The following CERS5 variants were observed in gnomAD, a reference collection of about 807,000 sequenced individuals.
CERS5 encodes the protein LAG1 homolog, ceramide synthase 5.
A neutral mutation model predicts 58.9 loss-of-function variants in CERS5; 37 were observed. The ratio of observed to expected loss-of-function variants is 0.63; its 90% confidence interval spans 0.48 to 0.83. The LOEUF (loss-of-function observed/expected upper bound fraction) is 0.83. Among genes scored for constraint, CERS5 ranks in the 40% least tolerant of loss-of-function variants. The pLI is 0.00. For missense variants in CERS5, 398 were observed against 489.3 expected (o/e 0.81, Z 1.76); for synonymous variants, 147 against 177.8 (o/e 0.83, Z 1.38).
intron 1 of CERS5, among the ~76,000 whole-genome samples, chr12:50,148,877 T>C (rs1366692791): frequency 1.5e-5 from 2 of 131,508 alleles, no homozygotes; most frequent in Non-Finnish European, 3.1e-5. Flanking sequence ...TGCACTCCAG[T>C]TGGGGTGACG....
At chr12:50,160,240 G>A (rs1939122136) in intron 1 of CERS5, among the ~76,000 whole-genome samples, 2 of 151,112 alleles carry the variant, frequency 1.3e-5, no homozygotes, top group African/African-American at 4.9e-5. Context: ...AGGAGGCGGA[G>A]GTTGCAGTAA....
chr12:50,166,079 T>C (rs1939845837), intron 1 of CERS5: 1 of 350,486 alleles, frequency 2.9e-6, no homozygotes, highest in East Asian at 1.0e-4. Context: ...TCCCAGCACT[T>C]TGGGAGGCAG....
At chr12:50,152,317 T>C (rs1938057366) in intron 1 of CERS5, among the ~76,000 whole-genome samples, 1 of 152,270 alleles carries the variant, frequency 6.6e-6, no homozygotes, top group African/African-American at 2.4e-5. Context: ...CAAACCATAC[T>C]AGTAGTTACT....
At chr12:50,163,611 G>C (rs780544579) in intron 1 of CERS5, among the ~76,000 whole-genome samples, 2 of 152,120 alleles carry the variant, frequency 1.3e-5, no homozygotes, top group African/African-American at 4.8e-5. Flanking sequence ...CAGCAGGATC[G>C]CTTGAGGCCA....
chr12:50,131,427 C>T (rs1039785445), intron 9 of CERS5, among the ~76,000 whole-genome samples: 9 of 151,768 alleles, frequency 5.9e-5, no homozygotes, highest in Admixed American at 6.6e-5. Flanking sequence ...GGTGTGGTGG[C>T]GCGCACCTGT....
chr12:50,156,287 C>T (rs1427878061), intron 1 of CERS5, among the ~76,000 whole-genome samples: 1 of 148,726 alleles, frequency 6.7e-6, no homozygotes, highest in East Asian at 2.0e-4. Context: ...GCCTGTAGTC[C>T]CAGCTGCTGG....
intron 1 of CERS5, among the ~76,000 whole-genome samples, chr12:50,146,982 T>C (rs1313708152): frequency 6.6e-6 from 1 of 152,204 alleles, no homozygotes; most frequent in African/African-American, 2.4e-5. Flanking sequence ...AAATTAAATA[T>C]ATAGATTTAG....
intron 1 of CERS5, among the ~76,000 whole-genome samples, chr12:50,155,736 C>CAAAAAAAA (rs146913126): frequency 1.4e-4 from 3 of 21,476 alleles, no homozygotes; most frequent in Admixed American, 9.0e-4. Context: ...GACTCCATCT[C>CAAAAAAAA]AAAAAAAAAA....
At chr12:50,160,304 CAA>C (rs754917459) in intron 1 of CERS5, among the ~76,000 whole-genome samples, 8 of 84,756 alleles carry the variant, frequency 9.4e-5, no homozygotes, top group Non-Finnish European at 6.5e-5. Context: ...GACTCTGTCT[CAA>C]AAAAAAAAAA....
At chr12:50,143,294 C>A in intron 2 of CERS5, 90 bp from the exon 3 acceptor site, 2 of 1,461,548 alleles carry the variant, frequency 1.4e-6, no homozygotes, top group Non-Finnish European at 1.9e-6. Context: ...GTATGATAGC[C>A]ATAAGTGGCT....
chr12:50,146,876 C>CAAAT (rs1952309264), intron 1 of CERS5, among the ~76,000 whole-genome samples: 1 of 147,942 alleles, frequency 6.8e-6, no homozygotes, highest in African/African-American at 2.5e-5. Flanking sequence ...GAACATTTGA[C>CAAAT]AAATACTTGT....
At chr12:50,138,492 G>A (rs1394358480) in intron 5 of CERS5, 75 bp downstream of exon 5, 2 of 1,184,282 alleles carry the variant, frequency 1.7e-6, no homozygotes, top group African/African-American at 3.0e-5. Context: ...CTGTCCTGGG[G>A]ACTGGCAAAG....
At chr12:50,161,129 C>T (rs1939226030) in intron 1 of CERS5, among the ~76,000 whole-genome samples, 1 of 152,136 alleles carries the variant, frequency 6.6e-6, no homozygotes, top group South Asian at 2.1e-4. Flanking sequence ...GAGTACAGTC[C>T]ACTGCAATGA....
chr12:50,133,716 G>C, intron 9 of CERS5: 1 of 985,496 alleles, frequency 1.0e-6, no homozygotes, highest in Non-Finnish European at 1.2e-6. Flanking sequence ...TTTAACAAAA[G>C]CCATTCCTAA....
chr12:50,139,459 G>A (rs1033477052), intron 4 of CERS5, among the ~76,000 whole-genome samples: 8 of 151,746 alleles, frequency 5.3e-5, no homozygotes, highest in Non-Finnish European at 1.0e-4. Flanking sequence ...CTTCAGCCTG[G>A]GTGACAGAGT....
At chr12:50,153,399 C>A (rs1452694587) in intron 1 of CERS5, among the ~76,000 whole-genome samples, 3 of 148,988 alleles carry the variant, frequency 2.0e-5, no homozygotes, top group African/African-American at 7.4e-5. Flanking sequence ...CCTGCCTCAG[C>A]CTCCCGAGTA....
At chr12:50,154,120 C>T (rs1938307252) in intron 1 of CERS5, 15 of 243,728 alleles carry the variant, frequency 6.2e-5, no homozygotes, top group Non-Finnish European at 7.6e-5. Context: ...TTTGGGAGGC[C>T]GAGGCAGGCA....
At chr12:50,163,842 C>T (rs1440866387) in intron 1 of CERS5, among the ~76,000 whole-genome samples, 1 of 151,462 alleles carries the variant, frequency 6.6e-6, no homozygotes, top group Non-Finnish European at 1.5e-5. Context: ...TTTGTAGAGA[C>T]AAGGTTTCAC....
At chr12:50,164,322 C>A (rs1182682717) in intron 1 of CERS5, among the ~76,000 whole-genome samples, 1 of 150,246 alleles carries the variant, frequency 6.7e-6, no homozygotes, top group African/African-American at 2.5e-5. Context: ...ATGGTCCTGG[C>A]TACTTGGGAG....
Sources: allele counts gnomAD v4.1 joint callset (sites outside exome capture counted in the v4.1 genomes callset), GRCh38; gene constraint gnomAD v4.1.1; transcripts MANE v1.5; gene names NCBI Gene and HGNC (gene_info 2026-07-23, HGNC 2026-07-21).